Variants in PRKN observed in about 807,000 individuals in gnomAD.
The protein encoded by PRKN is parkin RBR E3 ubiquitin protein ligase, also known as E3 ubiquitin-protein ligase parkin.
A neutral mutation model predicts 59.5 loss-of-function variants in PRKN; 56 were observed. The observed-to-expected ratio is 0.94, with a 90% CI of 0.76 to 1.18. The LOEUF (loss-of-function observed/expected upper bound fraction) is 1.18. Among genes scored for constraint, PRKN ranks in the 50% most tolerant of loss-of-function variants. The pLI is 0.00. For synonymous variants in PRKN, 250 were observed against 222.1 expected (o/e 1.13, Z -1.12); for missense variants, 657 against 596.4 (o/e 1.10, Z -1.06).
chr6:161,690,658 G>C (rs1785745123), intron 7 of PRKN, among the ~76,000 whole-genome samples: 1 of 152,120 alleles, frequency 6.6e-6, no homozygotes. Flanking sequence ...CCATCACTAA[G>C]GACCCGAACA....
chr6:161,492,096 CGTT>C (rs1356965934), intron 9 of PRKN, among the ~76,000 whole-genome samples: 3 of 152,166 alleles, frequency 2.0e-5, no homozygotes, highest in African/African-American at 7.2e-5. Flanking sequence ...TCATCCATCT[CGTT>C]GTTGAGAACC....
intron 1 of PRKN, among the ~76,000 whole-genome samples, chr6:162,478,039 T>C (rs1016374409): frequency 3.9e-5 from 6 of 152,136 alleles, no homozygotes; most frequent in African/African-American, 1.4e-4. Flanking sequence ...CGCAGAGTCC[T>C]AGAGCACAGG....
At chr6:161,733,798 G>GTATATATATATATATATATATATGTA (rs1787840908) in intron 7 of PRKN, among the ~76,000 whole-genome samples, 1 of 122,386 alleles carries the variant, frequency 8.2e-6, no homozygotes, top group Non-Finnish European at 1.6e-5. Flanking sequence ...ATATATATAT[G>GTATATATATATATATATATATATGTA]TATATATATA....
At chr6:161,891,865 C>T (rs1795357044) in intron 6 of PRKN, among the ~76,000 whole-genome samples, 1 of 152,152 alleles carries the variant, frequency 6.6e-6, no homozygotes, top group African/African-American at 2.4e-5. Flanking sequence ...GAGCCCTGTT[C>T]GACCTTCAGA....
intron 1 of PRKN, among the ~76,000 whole-genome samples, chr6:162,548,373 T>C (rs557844373): frequency 2.6e-5 from 4 of 152,304 alleles, no homozygotes; most frequent in African/African-American, 9.6e-5. Context: ...CTGATAGTTT[T>C]TTAAACATTC....
At position 161,897,984 on chromosome 6, in the gene PRKN, A is replaced by AAAAAAAAAAAAAAT. The variant is rs1554244227; in HGVS notation, c.734+75317_734+75318insATTTTTTTTTTTTT. 2.5e-4 allele frequency among the ~76,000 whole-genome samples: 29 copies of AAAAAAAAAAAAAAT among 117,664 alleles called. 1 individual carries two copies. Among genetic ancestry groups the AAAAAAAAAAAAAAT allele is most frequent in the African/African-American group, 5.0e-4 (12 of 24,022 alleles). 77.2% of individuals were successfully genotyped at this position (117,664 alleles called of 152,430 possible). On this transcript the variant is annotated intron_variant, in intron 6 of 11. Coordinates refer to ENST00000366898, the MANE Select transcript of PRKN (RefSeq NM_004562.3). Reference sequence around the variant, plus strand: ...TCCGTCTCAAAAAAAAAAAAAAAAAAGTCTCCCAGTTGCATAGAAAAGGTT... The same window carrying AAAAAAAAAAAAAAT: ...TCCGTCTCAAAAAAAAAAAAAAAAAAAAAAAAAAAAAAATGTCTCCCAGTTGCATAGAAAAGGTT...
chr6:162,656,324 A>T (rs537012719), intron 1 of PRKN, among the ~76,000 whole-genome samples: 2 of 152,308 alleles, frequency 1.3e-5, no homozygotes, highest in South Asian at 4.1e-4. Context: ...GATCCTTCTC[A>T]ATCTGTGGCC....
At chr6:162,279,402 A>AGG in intron 2 of PRKN, among the ~76,000 whole-genome samples, 1 of 150,366 alleles carries the variant, frequency 6.7e-6, no homozygotes, top group Non-Finnish European at 1.5e-5. Context: ...AAAGAAAGAC[A>AGG]GAAAAAGAAA....
At chr6:162,357,281 A>G (rs903361938) in intron 2 of PRKN, among the ~76,000 whole-genome samples, 4 of 152,210 alleles carry the variant, frequency 2.6e-5, no homozygotes, top group Admixed American at 6.5e-5. Context: ...TCAGAAACAC[A>G]TAAGTAAGGG....
rs1361131858 is a variant in PRKN at position 161,480,592 on chromosome 6, G to A, written c.1083+68262C>T. ...CTGGTTCTGGGCTTTGGGGCACAAG[G>A]AGCCAAGTACACTATTACAGGAAGC... On this transcript the variant is annotated intron_variant, in intron 9 of 11. Coordinates refer to ENST00000366898, the MANE Select transcript of PRKN (RefSeq NM_004562.3). The surrounding 1 kb of genome is among the most constrained non-coding windows in gnomAD (Gnocchi z 4.1). Among the ~76,000 whole-genome samples the A allele has an allele frequency of 1.3e-5, 2 of 152,162 alleles. No homozygotes were observed. The highest frequency in any genetic ancestry group is 3.8e-4 in the East Asian group (2 of 5,196).
intron 9 of PRKN, among the ~76,000 whole-genome samples, chr6:161,523,756 A>G (rs753453066): frequency 3.3e-5 from 5 of 152,212 alleles, no homozygotes; most frequent in Non-Finnish European, 7.3e-5. Context: ...TATTTATCTT[A>G]AAATGGTATC....
intron 3 of PRKN, among the ~76,000 whole-genome samples, chr6:162,222,706 G>A (rs1357715529): frequency 3.3e-5 from 5 of 152,194 alleles, no homozygotes; most frequent in African/African-American, 9.6e-5. Context: ...GAGGAAATGC[G>A]GGACCTGACT....
intron 5 of PRKN, among the ~76,000 whole-genome samples, chr6:162,039,190 C>T (rs1271810953): frequency 6.6e-6 from 1 of 151,858 alleles, no homozygotes; most frequent in East Asian, 1.9e-4. Context: ...TACTGTTTGT[C>T]TGACACCATT....
In PRKN at chr6:162,727,679, T is replaced by G; in HGVS notation, c.-11A>C. The G allele has an allele frequency of 6.3e-7, 1 of 1,577,756 alleles. No individual in the cohort carries two copies. The highest frequency in any genetic ancestry group is 8.6e-7 in the Non-Finnish European group (1 of 1,163,000). ...CCACGTACCTATCATGGTCACTGGG[T>G]AGGTGGCGGCTGCGGGCCAGGAACA... is the stretch of plus-strand genomic sequence containing the variant. On this transcript the variant is annotated 5_prime_UTR_variant, in exon 1 of 12. Coordinates refer to ENST00000366898, the MANE Select transcript of PRKN (RefSeq NM_004562.3).
chr6:161,564,413 T>C (rs1456949121), intron 8 of PRKN, among the ~76,000 whole-genome samples: 5 of 152,186 alleles, frequency 3.3e-5, no homozygotes, highest in African/African-American at 1.2e-4. Flanking sequence ...CCCCAAACCC[T>C]GAGACCCTTC....
chr6:161,519,649 CT>C (rs1187426585), intron 9 of PRKN, among the ~76,000 whole-genome samples: 1 of 152,152 alleles, frequency 6.6e-6, no homozygotes, highest in Non-Finnish European at 1.5e-5. Context: ...AAGATATGAG[CT>C]TATCTGTTAC....
chr6:161,498,690 C>T lies in PRKN; in HGVS notation c.1083+50164G>A, dbSNP rs1438106438. The stretch of plus-strand genomic sequence containing the variant: ...ATGGAGAACGAGGTCACATCAGTCT[C>T]CCTGCCAACCCTATTGGACAGGCCT... On this transcript the variant is annotated intron_variant, in intron 9 of 11. Coordinates refer to ENST00000366898, the MANE Select transcript of PRKN (RefSeq NM_004562.3). The surrounding 1 kb of genome is among the most constrained non-coding windows in gnomAD (Gnocchi z 4.2). 6.6e-6 allele frequency among the ~76,000 whole-genome samples: 1 copy of T among 152,200 alleles called. No homozygotes were observed. Among genetic ancestry groups the T allele is most frequent in the Non-Finnish European group, 1.5e-5 (1 of 68,042 alleles).
intron 4 of PRKN, among the ~76,000 whole-genome samples, chr6:162,102,911 C>T (rs1196671142): frequency 6.6e-5 from 10 of 151,678 alleles, no homozygotes; most frequent in African/African-American, 1.7e-4. Flanking sequence ...GGCGTGGTGG[C>T]GGGCACCTGT....
intron 7 of PRKN, among the ~76,000 whole-genome samples, chr6:161,664,514 A>G (rs980700572): frequency 6.7e-6 from 1 of 149,538 alleles, no homozygotes; most frequent in Non-Finnish European, 1.5e-5. Flanking sequence ...TTTAAAATAC[A>G]GCCTAATACT....
Sources: allele counts gnomAD v4.1 joint callset (sites outside exome capture counted in the v4.1 genomes callset), GRCh38; gene constraint gnomAD v4.1.1; non-coding constraint Gnocchi (gnomAD v3.1); transcripts MANE v1.5; gene names NCBI Gene and HGNC (gene_info 2026-07-23, HGNC 2026-07-21).